Variants in SYCP2 observed in about 807,000 individuals in gnomAD.
SYCP2 encodes the protein synaptonemal complex protein 2, also known as synaptonemal complex lateral element protein.
In SYCP2, 55 loss-of-function variants were observed where a neutral mutation model predicts 211.3. The observed-to-expected ratio is 0.26, with a 90% CI of 0.21 to 0.33. The LOEUF (loss-of-function observed/expected upper bound fraction) is 0.33, where lower values mean the gene tolerates loss of function less well. Among genes scored for constraint, SYCP2 ranks in the 10% least tolerant of loss-of-function variants. SYCP2 has a pLI of 1.00. For missense variants in SYCP2, 1,731 were observed against 1,752.0 expected (o/e 0.99, Z 0.21); for synonymous variants, 570 against 555.2 (o/e 1.03, Z -0.37).
intron 18 of SYCP2, among the ~76,000 whole-genome samples, chr20:59,899,426 TGAA>T (rs1380611247): frequency 6.6e-6 from 1 of 152,192 alleles, no homozygotes; most frequent in East Asian, 1.9e-4. Flanking sequence ...TATAGAATTT[TGAA>T]GAAAAGTCTG....
intron 31 of SYCP2, among the ~76,000 whole-genome samples, chr20:59,880,020 G>T (rs567722258): frequency 1.3e-5 from 2 of 150,890 alleles, no homozygotes; most frequent in Admixed American, 1.3e-4. Context: ...ACAATAATTA[G>T]CTAAATAACT....
intron 24 of SYCP2, among the ~76,000 whole-genome samples, chr20:59,888,049 G>C (rs374659077): frequency 5.3e-4 from 80 of 152,044 alleles, no homozygotes; most frequent in African/African-American, 1.8e-3. Context: ...CAAAACACCA[G>C]AAAGAGTTCA....
chr20:59,866,522 G>C lies in SYCP2; in HGVS notation c.4193C>G (p.Thr1398Arg), dbSNP rs751354547. ...AGAGTCCTGACTTTGATGATTCATT[G>C]TTCTCAGATGTTGCTGAGCTGTTTT... Reference protein sequence around the residue: ...SWKTAQQHLRTMNHQSQDSRI... With the variant: ...SWKTAQQHLRRMNHQSQDSRI... The change falls in exon 40 of 45, where the codon ACA (threonine) becomes AGA (arginine). Residue 1398 changes from threonine to arginine, a missense_variant. By Grantham distance (71) the Thr-to-Arg change is moderately conservative (BLOSUM62 -1). This residue lies in a region of SYCP2 where 1,387 missense variants were observed against 1,351.3 expected (regional missense o/e 1.03). Coordinates refer to ENST00000357552, the MANE Select transcript of SYCP2 (RefSeq NM_014258.4). The C allele has an allele frequency of 6.2e-7, 1 of 1,607,218 alleles. No individual in the cohort carries two copies. The highest frequency in any genetic ancestry group is 8.5e-7 in the Non-Finnish European group (1 of 1,177,496).
At chr20:59,880,265 A>T (rs766045864) in intron 31 of SYCP2, 38 bp downstream of exon 31, 8 of 1,504,370 alleles carry the variant, frequency 5.3e-6, no homozygotes, top group South Asian at 1.2e-5. Context: ...TAAACTGCAA[A>T]ATCATTTGCA....
At chr20:59,898,295 A>T (rs952606122) in intron 18 of SYCP2, among the ~76,000 whole-genome samples, 2 of 152,218 alleles carry the variant, frequency 1.3e-5, no homozygotes, top group African/African-American at 4.8e-5. Flanking sequence ...CATTATTCAC[A>T]ATAGCAAAGA....
chr20:59,873,640 C>G (rs749634429), intron 35 of SYCP2, among the ~76,000 whole-genome samples: 3 of 152,056 alleles, frequency 2.0e-5, no homozygotes, highest in Non-Finnish European at 4.4e-5. Flanking sequence ...CTACCACATT[C>G]TTCCTCCTGT....
chr20:59,876,571 A>C (rs1374088472), intron 33 of SYCP2, among the ~76,000 whole-genome samples: 1 of 151,588 alleles, frequency 6.6e-6, no homozygotes, highest in East Asian at 1.9e-4. Flanking sequence ...TCTGGTTTCA[A>C]ATCCTAGACC....
At chr20:59,917,512 G>A (rs548137488) in intron 7 of SYCP2, among the ~76,000 whole-genome samples, 2 of 152,118 alleles carry the variant, frequency 1.3e-5, no homozygotes, top group African/African-American at 4.8e-5. Flanking sequence ...AAATCAGGTG[G>A]ATCACTTTAC....
At chr20:59,931,006 A>G (rs998539205) in intron 2 of SYCP2, among the ~76,000 whole-genome samples, 4 of 152,096 alleles carry the variant, frequency 2.6e-5, no homozygotes, top group African/African-American at 7.2e-5. Flanking sequence ...AACTATATAT[A>G]GTAACTTATG....
chr20:59,911,072 T>C (rs1260221921), intron 14 of SYCP2, among the ~76,000 whole-genome samples: 1 of 152,208 alleles, frequency 6.6e-6, no homozygotes, highest in Non-Finnish European at 1.5e-5. Context: ...CTTATTATAA[T>C]ATCACCAGCC....
At chr20:59,870,995 TAAAC>T (rs2059442350) in intron 35 of SYCP2, among the ~76,000 whole-genome samples, 2 of 151,888 alleles carry the variant, frequency 1.3e-5, no homozygotes, top group South Asian at 2.1e-4. Context: ...GAAGATTTCT[TAAAC>T]AACCCAGAAG....
chr20:59,893,039 T>C, intron 22 of SYCP2, 103 bp downstream of exon 22: 5 of 807,606 alleles, frequency 6.2e-6, no homozygotes, highest in East Asian at 2.5e-5. Context: ...AGATGATTAA[T>C]ACTAATTCTA....
At position 59,882,110 on chromosome 20, in the gene SYCP2, G is replaced by A; in HGVS notation, c.2585C>T (p.Thr862Ile). Residue 862 changes from threonine to isoleucine, a missense_variant, in exon 27 of 45, where the codon ACT becomes ATT. This residue lies in a region of SYCP2 where 1,387 missense variants were observed against 1,351.3 expected (regional missense o/e 1.03). Transcript: ENST00000357552. The stretch of plus-strand genomic sequence containing the variant: ...AAATACTTACACTGGGCATTCAGAA[G>A]TAACATTAACAAAGGTAGTCTTCAG... Reference protein sequence around the residue: ...RKLKTTFVNVTSECPVNDVYN... With the variant: ...RKLKTTFVNVISECPVNDVYN... 6.2e-7 allele frequency: 1 copy of A among 1,612,892 alleles called. No individual in the cohort carries two copies. Among genetic ancestry groups the A allele is most frequent in the Non-Finnish European group, 8.5e-7 (1 of 1,179,358 alleles).
Position 59,892,579 on chromosome 20 carries a change from G to A in SYCP2, c.1916C>T (p.Thr639Ile), listed in dbSNP as rs2059927809. 1.9e-6 allele frequency: 3 copies of A among 1,604,748 alleles called. No homozygotes were observed. The highest frequency in any genetic ancestry group is 1.7e-6 in the Non-Finnish European group (2 of 1,176,610). The part of the protein sequence containing the change: ...NQRASTSSGD[T>I]LNQDIVINKK... ...AAACTAAGTTTCACCTTGATTCAATGTGTCTCCTGACGAAGTACTTGCTCT... is the reference window on the plus strand; with the variant it reads ...AAACTAAGTTTCACCTTGATTCAATATGTCTCCTGACGAAGTACTTGCTCT... Residue 639 changes from threonine to isoleucine, a missense_variant, in exon 23 of 45, where the codon ACA becomes ATA. This residue lies in a region of SYCP2 where 1,387 missense variants were observed against 1,351.3 expected (regional missense o/e 1.03). Coordinates refer to ENST00000357552, the MANE Select transcript of SYCP2 (RefSeq NM_014258.4).
intron 13 of SYCP2, 100 bp downstream of exon 13, chr20:59,912,273 A>G: frequency 1.8e-6 from 1 of 570,666 alleles, no homozygotes; most frequent in Non-Finnish European, 3.1e-6. Flanking sequence ...TGATCTAATT[A>G]CAACTATTTT....
intron 31 of SYCP2, 33 bp downstream of exon 31, chr20:59,880,270 T>A (rs1272415273): frequency 9.2e-6 from 14 of 1,516,616 alleles, no homozygotes; most frequent in Non-Finnish European, 1.3e-5. Flanking sequence ...TGCAAAATCA[T>A]TTGCAACATT....
intron 16 of SYCP2, among the ~76,000 whole-genome samples, chr20:59,901,368 GAT>G (rs2060112778): frequency 6.6e-6 from 1 of 151,884 alleles, no homozygotes. Context: ...TAATTCTCAC[GAT>G]GTTTAAGATC....
chr20:59,927,461 G>A (rs1164883482), intron 2 of SYCP2, among the ~76,000 whole-genome samples: 6 of 152,044 alleles, frequency 3.9e-5, no homozygotes, highest in African/African-American at 1.4e-4. Flanking sequence ...CAGATATAGA[G>A]TGGCATTAGG....
Position 59,900,493 on chromosome 20 carries a change from A to T in SYCP2, c.1258-209T>A, listed in dbSNP as rs573445824. 3.3e-5 allele frequency among the ~76,000 whole-genome samples: 5 copies of T among 152,292 alleles called. 1 individual carries two copies. The South Asian group carries it at 1.0e-3, about 32-fold the overall frequency. ...TAGACATAAAAGAAGCTTGACATTA[A>T]TGGAAGGACATTTACTGCTTTTTTA... On this transcript the variant is annotated intron_variant, in intron 17 of 44. Coordinates refer to ENST00000357552, the MANE Select transcript of SYCP2 (RefSeq NM_014258.4).
Sources: allele counts gnomAD v4.1 joint callset (sites outside exome capture counted in the v4.1 genomes callset), GRCh38; gene constraint gnomAD v4.1.1; regional missense constraint gnomAD v4.1.1; transcripts MANE v1.5; gene names NCBI Gene and HGNC (gene_info 2026-07-23, HGNC 2026-07-21).